Variants in PCDH7 observed in about 807,000 individuals in gnomAD.
PCDH7 encodes the protein protocadherin 7.
A neutral mutation model predicts 58.9 loss-of-function variants in PCDH7; 17 were observed. The observed-to-expected ratio is 0.29, with a 90% CI of 0.20 to 0.43. The LOEUF (loss-of-function observed/expected upper bound fraction) is 0.43. Ranked by LOEUF, PCDH7 falls within the 20% of genes least tolerant of loss-of-function variation. PCDH7 has a pLI of 1.00. For synonymous variants in PCDH7, 664 were observed against 616.4 expected (o/e 1.08, Z -1.14); for missense variants, 1,274 against 1,441.0 (o/e 0.88, Z 1.88).
chr4:30,854,327 C>T (rs771235096), intron 1 of PCDH7, among the ~76,000 whole-genome samples: 3 of 148,370 alleles, frequency 2.0e-5, no homozygotes, highest in Middle Eastern at 3.2e-3. Context: ...CACCTTCTTC[C>T]ATCATTGACA....
chr4:30,985,334 A>G (rs2109115660), intron 3 of PCDH7, among the ~76,000 whole-genome samples: 1 of 152,224 alleles, frequency 6.6e-6, no homozygotes, highest in East Asian at 1.9e-4. Context: ...TATTAGATTT[A>G]TATTTTGGTT....
chr4:30,993,656 G>GA (rs1188373096), intron 3 of PCDH7, among the ~76,000 whole-genome samples: 7 of 150,222 alleles, frequency 4.7e-5, no homozygotes, highest in Admixed American at 6.6e-5. Flanking sequence ...CAGTACACAA[G>GA]AAAAAAAATG....
intron 3 of PCDH7, among the ~76,000 whole-genome samples, chr4:31,125,474 T>C (rs1718187998): frequency 1.3e-5 from 2 of 152,260 alleles, no homozygotes; most frequent in African/African-American, 4.8e-5. Flanking sequence ...TTTTTTTCTT[T>C]CTGAGTTTAT....
At chr4:30,820,740 G>A (rs1360994941) in intron 1 of PCDH7, among the ~76,000 whole-genome samples, 1 of 152,018 alleles carries the variant, frequency 6.6e-6, no homozygotes, top group Non-Finnish European at 1.5e-5. Context: ...ATGTTTTCAT[G>A]TGAATATGAA....
intron 1 of PCDH7, among the ~76,000 whole-genome samples, chr4:30,761,971 C>A (rs1366928709): frequency 6.6e-6 from 1 of 152,136 alleles, no homozygotes; most frequent in African/African-American, 2.4e-5. Flanking sequence ...CAACACTATG[C>A]TTGTTTCTTG....
At chr4:30,776,448 G>A (rs867148103) in intron 1 of PCDH7, 1 of 152,202 alleles carries the variant, frequency 6.6e-6, no homozygotes, top group Non-Finnish European at 1.5e-5. Flanking sequence ...ATTTCAGTTC[G>A]AAGCAATCTA....
At chr4:30,867,948 GT>G (rs2109359572) in intron 1 of PCDH7, among the ~76,000 whole-genome samples, 1 of 152,104 alleles carries the variant, frequency 6.6e-6, no homozygotes, top group Non-Finnish European at 1.5e-5. Flanking sequence ...AATCATGCTG[GT>G]TTTTCTATAA....
At chr4:30,887,273 T>G (rs1737951909) in intron 1 of PCDH7, among the ~76,000 whole-genome samples, 1 of 152,180 alleles carries the variant, frequency 6.6e-6, no homozygotes, top group African/African-American at 2.4e-5. Context: ...ATTGTTTCTT[T>G]CAACTTGAAT....
chr4:30,744,006 C>T (rs1717430048), intron 1 of PCDH7, among the ~76,000 whole-genome samples: 2 of 152,140 alleles, frequency 1.3e-5, no homozygotes, highest in Non-Finnish European at 2.9e-5. Flanking sequence ...TGTAGGCAAT[C>T]TATCTCCGTT....
chr4:31,101,698 T>C (rs566967969), intron 3 of PCDH7, among the ~76,000 whole-genome samples: 1 of 152,320 alleles, frequency 6.6e-6, no homozygotes, highest in Admixed American at 6.5e-5. Flanking sequence ...AGAGTAAGCA[T>C]TGACCTTTAG....
intron 1 of PCDH7, among the ~76,000 whole-genome samples, chr4:30,882,933 T>A (rs1265738047): frequency 6.6e-6 from 1 of 152,216 alleles, no homozygotes; most frequent in Non-Finnish European, 1.5e-5. Context: ...TTGAGACTCT[T>A]ATTGACCCAG....
chr4:31,104,951 T>C lies in PCDH7; in HGVS notation c.*8-37522T>C, dbSNP rs148021470. ...AAAGGGTTGGACAAGCTATTTAATATGAAAGCACCAGTGTACCTTAAGGAA... is the reference window on the plus strand; with the variant it reads ...AAAGGGTTGGACAAGCTATTTAATACGAAAGCACCAGTGTACCTTAAGGAA... On this transcript the variant is annotated intron_variant, in intron 3 of 3. Coordinates refer to the PCDH7 transcript ENST00000509759. Among the ~76,000 whole-genome samples, 7 of 152,328 alleles carry C rather than the reference T, an allele frequency of 4.6e-5. No individual in the cohort carries two copies. The East Asian group carries it at 1.4e-3, about 29-fold the overall frequency.
intron 1 of PCDH7, among the ~76,000 whole-genome samples, chr4:30,814,460 C>A (rs773018102): frequency 2.0e-5 from 3 of 151,990 alleles, no homozygotes; most frequent in African/African-American, 7.2e-5. Context: ...TTTTTAAAAC[C>A]ATATTAAATG....
At chr4:31,133,280 G>A (rs544625235) in intron 3 of PCDH7, among the ~76,000 whole-genome samples, 3 of 152,288 alleles carry the variant, frequency 2.0e-5, no homozygotes, top group Admixed American at 6.5e-5. Flanking sequence ...GCAAAATTTT[G>A]TGGGTACATA....
At chr4:30,982,066 T>A (rs1750620632) in intron 3 of PCDH7, among the ~76,000 whole-genome samples, 1 of 152,216 alleles carries the variant, frequency 6.6e-6, no homozygotes, top group Non-Finnish European at 1.5e-5. Flanking sequence ...TTTAAAGTGT[T>A]CTTACCACAC....
chr4:31,094,326 C>G (rs1258681444), intron 3 of PCDH7, among the ~76,000 whole-genome samples: 1 of 152,064 alleles, frequency 6.6e-6, no homozygotes, highest in East Asian at 1.9e-4. Context: ...AGCTGAACCC[C>G]CATCCATTTA....
chr4:30,854,188 G>A (rs1733143765), intron 1 of PCDH7, among the ~76,000 whole-genome samples: 1 of 150,518 alleles, frequency 6.6e-6, no homozygotes, highest in Admixed American at 6.7e-5. Flanking sequence ...CACCTCATAG[G>A]CTACATCACA....
intron 3 of PCDH7, among the ~76,000 whole-genome samples, chr4:30,992,315 A>T (rs1751523597): frequency 6.6e-6 from 1 of 152,200 alleles, no homozygotes; most frequent in South Asian, 2.1e-4. Context: ...TTCCCAATCC[A>T]GCTGAATATC....
intron 3 of PCDH7, among the ~76,000 whole-genome samples, chr4:31,100,325 T>C (rs991354810): frequency 1.3e-5 from 2 of 152,144 alleles, no homozygotes; most frequent in Admixed American, 6.6e-5. Flanking sequence ...TAAGTCAGCA[T>C]CAAACAAAAA....
Sources: allele counts gnomAD v4.1 joint callset (sites outside exome capture counted in the v4.1 genomes callset), GRCh38; gene constraint gnomAD v4.1.1; transcripts MANE v1.5; gene names NCBI Gene and HGNC (gene_info 2026-07-23, HGNC 2026-07-21).